Variants in FHAD1 observed in about 807,000 individuals in gnomAD.
FHAD1 encodes forkhead associated phosphopeptide binding domain 1.
In FHAD1, 146 loss-of-function variants were observed where a neutral mutation model predicts 191.3. That is an observed-to-expected ratio of 0.76 (90% CI 0.67 to 0.88). The LOEUF (loss-of-function observed/expected upper bound fraction) is 0.88. Among genes scored for constraint, FHAD1 ranks in the 40% least tolerant of loss-of-function variants. FHAD1 has a pLI of 0.00. For missense variants in FHAD1, 1,635 were observed against 1,785.8 expected (o/e 0.92, Z 1.52); for synonymous variants, 616 against 672.3 (o/e 0.92, Z 1.29).
chr1:15,361,033 C>T (rs887281424), intron 22 of FHAD1, among the ~76,000 whole-genome samples: 2 of 152,096 alleles, frequency 1.3e-5, no homozygotes, highest in Non-Finnish European at 2.9e-5. Flanking sequence ...CATGCAGGGG[C>T]CTTTCAAAGG....
downstream of FHAD1, among the ~76,000 whole-genome samples, chr1:15,399,691 A>G (rs1393281677): frequency 3.9e-5 from 6 of 152,346 alleles, no homozygotes; most frequent in African/African-American, 1.2e-4. Context: ...ATCCCCAAAT[A>G]TAGAGCTGAG....
intron 14 of FHAD1, chr1:15,335,429 T>C (rs1683629324): frequency 6.6e-6 from 1 of 152,142 alleles, no homozygotes; most frequent in African/African-American, 2.4e-5. Flanking sequence ...AGATACACTG[T>C]GTCTTTAACT....
intron 14 of FHAD1, among the ~76,000 whole-genome samples, chr1:15,331,042 G>A (rs939095152): frequency 5.9e-5 from 9 of 152,162 alleles, no homozygotes; most frequent in Non-Finnish European, 1.2e-4. Flanking sequence ...TCAGTGGTAG[G>A]ACTGGATGGT....
intron 3 of FHAD1, among the ~76,000 whole-genome samples, chr1:15,279,296 A>C (rs922587520): frequency 2.6e-5 from 4 of 152,132 alleles, no homozygotes; most frequent in African/African-American, 9.7e-5. Context: ...AGTGTCAGAA[A>C]CCCAACTCAG....
rs550293255 is a variant in FHAD1, at chr1:15,373,562, C to G, written c.3448-940C>G. The stretch of plus-strand genomic sequence containing the variant: ...TTCTTTGTCTGTGCTCTTAGTAAAC[C>G]CAACTCTAGGCTGGTTACAGTAGCT... On this transcript the variant is annotated intron_variant, in intron 26 of 33. Transcript: ENST00000688493. Among the ~76,000 whole-genome samples the G allele has an allele frequency of 3.6e-3, 549 of 151,540 alleles. 4 individuals are homozygous for G. Among genetic ancestry groups the G allele is most frequent in the South Asian group, 8.8e-3 (42 of 4,780 alleles).
At chr1:15,324,616 A>G (rs1334897066) in intron 11 of FHAD1, 57 bp downstream of exon 11, 2 of 1,260,868 alleles carry the variant, frequency 1.6e-6, no homozygotes, top group Non-Finnish European at 2.3e-6. Flanking sequence ...ATTGCACCCA[A>G]GCAGCCAGTG....
chr1:15,365,500 T>TTTTTTTTTTTC (rs1380728871), intron 23 of FHAD1, among the ~76,000 whole-genome samples: 1 of 149,504 alleles, frequency 6.7e-6, no homozygotes, highest in Non-Finnish European at 1.5e-5. Context: ...TTTTTTTTTT[T>TTTTTTTTTTTC]TGTAGAGACG....
chr1:15,341,877 G>A lies in FHAD1; in HGVS notation c.2119G>A (p.Glu707Lys). The change falls in exon 16 of 34, where the codon GAA (glutamate) becomes AAA (lysine). Residue 707 changes from glutamate to lysine, a missense_variant. Transcript: ENST00000688493. ...CAAAGCCAAAATCAGGCAACTGACGGAAGAGAAGGCGGTAAGGTGGTCCCT... is the reference window on the plus strand; with the variant it reads ...CAAAGCCAAAATCAGGCAACTGACGAAAGAGAAGGCGGTAAGGTGGTCCCT... The part of the protein sequence containing the change: ...KLKAKIRQLT[E>K]EKAALEEYIT... The A allele has an allele frequency of 6.4e-7, 1 of 1,551,558 alleles. No individual in the cohort carries two copies. Among genetic ancestry groups the A allele is most frequent in the Non-Finnish European group, 8.7e-7 (1 of 1,146,892 alleles).
intron 18 of FHAD1, among the ~76,000 whole-genome samples, chr1:15,346,704 T>C (rs984971733): frequency 6.6e-6 from 1 of 152,256 alleles, no homozygotes; most frequent in Non-Finnish European, 1.5e-5. Context: ...CCTGATCCTT[T>C]TTCACATCTG....
intron 14 of FHAD1, among the ~76,000 whole-genome samples, chr1:15,337,826 G>C (rs1038590350): frequency 2.6e-5 from 4 of 151,912 alleles, no homozygotes; most frequent in African/African-American, 9.7e-5. Context: ...CGCTGGAATA[G>C]GAGTGACTCA....
chr1:15,321,683 T>G (rs1051899722), intron 10 of FHAD1, among the ~76,000 whole-genome samples: 1 of 152,272 alleles, frequency 6.6e-6, no homozygotes, highest in African/African-American at 2.4e-5. Flanking sequence ...AAGAACATCC[T>G]TTAGTGTTTT....
At chr1:15,248,783 T>G (rs1211693399) in intron 1 of FHAD1, among the ~76,000 whole-genome samples, 2 of 152,206 alleles carry the variant, frequency 1.3e-5, no homozygotes, top group Non-Finnish European at 2.9e-5. Context: ...AGACAGGGTT[T>G]CGCCATGTTG....
intron 3 of FHAD1, 131 bp downstream of exon 3, chr1:15,272,660 G>A: frequency 3.7e-6 from 3 of 813,388 alleles, no homozygotes; most frequent in Non-Finnish European, 5.8e-6. Flanking sequence ...AGGCAGCAGA[G>A]ACAGAGTGGA....
intron 31 of FHAD1, chr1:15,383,052 A>C (rs939654486): frequency 1.7e-5 from 8 of 464,996 alleles, no homozygotes; most frequent in Admixed American, 7.1e-5. Flanking sequence ...CATCTGTAGC[A>C]TGGTACAGGA....
intron 14 of FHAD1, among the ~76,000 whole-genome samples, chr1:15,338,987 A>C (rs929918694): frequency 2.6e-5 from 4 of 152,130 alleles, no homozygotes; most frequent in African/African-American, 4.8e-5. Context: ...GTTGGATGTG[A>C]GCTCAACCAA....
chr1:15,243,943 C>T (rs918546471), upstream of FHAD1, among the ~76,000 whole-genome samples: 1 of 152,174 alleles, frequency 6.6e-6, no homozygotes, highest in Non-Finnish European at 1.5e-5. Flanking sequence ...AGATTTCTCC[C>T]TGTCTCTGAG....
intron 1 of FHAD1, among the ~76,000 whole-genome samples, chr1:15,249,064 A>G (rs1489465694): frequency 6.6e-6 from 1 of 152,228 alleles, no homozygotes; most frequent in Non-Finnish European, 1.5e-5. Context: ...ATTGAGTTTA[A>G]CAAAAACAAC....
chr1:15,391,416 A>C (rs1198774163), intron 33 of FHAD1, among the ~76,000 whole-genome samples, 153 bp downstream of exon 33: 1 of 152,140 alleles, frequency 6.6e-6, no homozygotes, highest in African/African-American at 2.4e-5. Flanking sequence ...GATAGTCTCG[A>C]TCTTCTGACC....
intron 5 of FHAD1, among the ~76,000 whole-genome samples, chr1:15,297,035 T>G (rs1307499714): frequency 6.6e-6 from 1 of 152,226 alleles, no homozygotes; most frequent in Non-Finnish European, 1.5e-5. Context: ...ATTCACTCAT[T>G]TAATCTTTGC....
Sources: gnomAD v4.1 joint callset for allele counts (sites outside exome capture counted in the v4.1 genomes callset) on GRCh38, gnomAD v4.1.1 for gene constraint, MANE v1.5 for transcripts, NCBI Gene and HGNC (gene_info 2026-07-23, HGNC 2026-07-21) for gene names.